Variants in EBAG9 observed in about 807,000 individuals in gnomAD.
The protein encoded by EBAG9 is estrogen receptor binding site associated antigen 9.
EBAG9 carries 16 observed loss-of-function variants against 30.9 expected under a neutral mutation model. The ratio of observed to expected loss-of-function variants is 0.52; its 90% CI spans 0.35 to 0.79. The LOEUF (loss-of-function observed/expected upper bound fraction) is 0.79, where lower values mean the gene tolerates loss of function less well. Among genes scored for constraint, EBAG9 ranks in the 30% least tolerant of loss-of-function variants. EBAG9 has a pLI of 0.01. For missense variants in EBAG9, 197 were observed against 242.1 expected, an observed-to-expected ratio of 0.81 and a Z score of 1.24; for synonymous variants, 93 against 82.8, an observed-to-expected ratio of 1.12 and a Z score of -0.67.
At chr8:109,555,177 C>T (rs1001222612) in intron 4 of EBAG9, among the ~76,000 whole-genome samples, 10 of 151,616 alleles carry the variant, frequency 6.6e-5, no homozygotes, top group African/African-American at 2.4e-4. Flanking sequence ...TGTTCCCCTT[C>T]CTATGTCCAT....
chr8:109,545,321 C>T (rs1301573214), intron 1 of EBAG9, among the ~76,000 whole-genome samples: 1 of 37,794 alleles, frequency 2.6e-5, no homozygotes, highest in Non-Finnish European at 5.3e-5. Flanking sequence ...GACTGTGTCT[C>T]AAAAAAAAAA....
At chr8:109,556,565 T>C (rs1821601263) in intron 4 of EBAG9, among the ~76,000 whole-genome samples, 1 of 152,098 alleles carries the variant, frequency 6.6e-6, no homozygotes, top group African/African-American at 2.4e-5. Context: ...CCTGAATGAG[T>C]TAATGTATTC....
chr8:109,564,679 A>C lies in EBAG9; in HGVS notation c.*120A>C. 3.0e-5 allele frequency: 42 copies of C among 1,406,032 alleles called. No homozygotes were observed. The highest frequency in any genetic ancestry group is 1.9e-4 in the Middle Eastern group (1 of 5,144). 87.1% of individuals were successfully genotyped at this position (1,406,032 alleles called of 1,614,324 possible). On this transcript the variant is annotated 3_prime_UTR_variant, in exon 7 of 7. Coordinates refer to ENST00000337573, the MANE Select transcript of EBAG9 (RefSeq NM_004215.5). ...ACTGCTTGATTTTAATACATTGATCAGGCCATCCAGGACACCACGATTCTC... is the reference window on the plus strand; with the variant it reads ...ACTGCTTGATTTTAATACATTGATCCGGCCATCCAGGACACCACGATTCTC...
intron 5 of EBAG9, among the ~76,000 whole-genome samples, chr8:109,558,401 A>G (rs549684790): frequency 2.8e-4 from 42 of 152,314 alleles, no homozygotes; most frequent in Non-Finnish European, 5.4e-4. Context: ...ACATAACACC[A>G]TAAATACTTA....
chr8:109,558,073 G>A (rs1409648037), intron 5 of EBAG9, among the ~76,000 whole-genome samples: 1 of 152,186 alleles, frequency 6.6e-6, no homozygotes, highest in Non-Finnish European at 1.5e-5. Context: ...TCCACCTCTT[G>A]AAGGAAGGAA....
chr8:109,545,344 G>C (rs1415126421), intron 1 of EBAG9, among the ~76,000 whole-genome samples: 2 of 142,980 alleles, frequency 1.4e-5, no homozygotes, highest in Non-Finnish European at 3.0e-5. Flanking sequence ...AAAAAAAAAG[G>C]CTACCAAAAT....
chr8:109,543,708 G>C (rs1821325794), intron 1 of EBAG9, among the ~76,000 whole-genome samples: 1 of 151,754 alleles, frequency 6.6e-6, no homozygotes, highest in Non-Finnish European at 1.5e-5. Context: ...CAAGACTTTA[G>C]GAGTCTTGAA....
chr8:109,559,084 A>G (rs1208121671), intron 5 of EBAG9, among the ~76,000 whole-genome samples: 1 of 152,182 alleles, frequency 6.6e-6, no homozygotes, highest in Non-Finnish European at 1.5e-5. Context: ...ACTTTAGTGG[A>G]AGAATAGATA....
intron 6 of EBAG9, among the ~76,000 whole-genome samples, chr8:109,561,678 T>C (rs1821713532): frequency 6.6e-6 from 1 of 151,674 alleles, no homozygotes; most frequent in African/African-American, 2.4e-5. Flanking sequence ...TAAATTTTTT[T>C]ATTTTAAAAT....
intron 1 of EBAG9, among the ~76,000 whole-genome samples, chr8:109,542,937 A>G (rs1821306041): frequency 6.6e-6 from 1 of 152,120 alleles, no homozygotes; most frequent in Non-Finnish European, 1.5e-5. Context: ...GGCTTATGCT[A>G]GATAGATTAC....
chr8:109,563,717 A>C (rs1821754338), intron 6 of EBAG9, among the ~76,000 whole-genome samples: 1 of 151,442 alleles, frequency 6.6e-6, no homozygotes, highest in African/African-American at 2.4e-5. Flanking sequence ...TCCATTAGTT[A>C]TTTTTCCTGA....
intron 3 of EBAG9, 117 bp downstream of exon 3, chr8:109,554,060 G>T: frequency 1.4e-6 from 1 of 691,252 alleles, no homozygotes. Flanking sequence ...AATTTTTGTT[G>T]TGTTGTTAAA....
intron 1 of EBAG9, chr8:109,550,581 A>C: frequency 3.0e-6 from 1 of 338,338 alleles, no homozygotes; most frequent in Non-Finnish European, 5.3e-6. Flanking sequence ...TATTTTCAAA[A>C]ACTCAGAATG....
Position 109,540,381 on chromosome 8 carries a change from G to C in EBAG9, c.-96G>C, listed in dbSNP as rs1245905637. On this transcript the variant is annotated 5_prime_UTR_variant, in exon 1 of 7. Coordinates refer to ENST00000337573, the MANE Select transcript of EBAG9 (RefSeq NM_004215.5). ...CCTGGTATCCAGCTCCAGCAACTTA[G>C]AGCGTTTCACGTCACGCCGGGCGCC... 1 of 152,274 alleles carries C rather than the reference G, an allele frequency of 6.6e-6. No individual in the cohort carries two copies. Among genetic ancestry groups the C allele is most frequent in the African/African-American group, 2.4e-5 (1 of 41,452 alleles). The allele number at this position is 152,274 out of a possible 1,614,324, so 9.4% of individuals were successfully genotyped here. A position where few individuals can be genotyped will look rare whatever the true frequency, so the allele number is the denominator to read the frequency against.
intron 1 of EBAG9, among the ~76,000 whole-genome samples, chr8:109,547,960 A>G (rs1035774002): frequency 6.6e-6 from 1 of 152,080 alleles, no homozygotes; most frequent in Non-Finnish European, 1.5e-5. Flanking sequence ...CATTCCATTA[A>G]TAGTGTTTTT....
rs1265250245 is a variant in EBAG9, at chr8:109,563,597, CTT to C, written c.522-841_522-840del. 8.9e-6 allele frequency: 13 copies of C among 1,453,082 alleles called. No homozygotes were observed. In the East Asian group the frequency reaches 1.4e-4, roughly 16 times the overall value. The allele number at this position is 1,453,082 out of a possible 1,614,324, so 90.0% of individuals were successfully genotyped here. A position where few individuals can be genotyped will look rare whatever the true frequency, so the allele number is the denominator to read the frequency against. On this transcript the variant is annotated intron_variant, in intron 6 of 6. Transcript: ENST00000337573. ...CCACTCTTTTTTTTTTTTTTTTAAA[CTT>C]AAGTTCAGGGGGACATGTGCAGGAT...
chr8:109,557,134 A>G (rs1821616820), intron 5 of EBAG9, 92 bp downstream of exon 5: 2 of 740,126 alleles, frequency 2.7e-6, no homozygotes, highest in Admixed American at 3.5e-5. Flanking sequence ...TTAACATAGT[A>G]TTTATATTTT....
intron 6 of EBAG9, among the ~76,000 whole-genome samples, chr8:109,562,247 T>G (rs772129150): frequency 3.1e-4 from 47 of 152,110 alleles, no homozygotes; most frequent in Admixed American, 1.6e-3. Context: ...GTTCAAGCCA[T>G]GAGTTCACAA....
chr8:109,555,379 A>G (rs1821578538), intron 4 of EBAG9, among the ~76,000 whole-genome samples: 1 of 152,152 alleles, frequency 6.6e-6, no homozygotes, highest in Non-Finnish European at 1.5e-5. Flanking sequence ...AATCCAGTCT[A>G]TCAGCATATT....
Sources: gnomAD v4.1 joint callset for allele counts (sites outside exome capture counted in the v4.1 genomes callset) on GRCh38, gnomAD v4.1.1 for gene constraint, MANE v1.5 for transcripts, NCBI Gene and HGNC (gene_info 2026-07-23, HGNC 2026-07-21) for gene names.